Variants in CADPS2 observed in about 807,000 individuals in gnomAD.
The protein encoded by CADPS2 is calcium-dependent secretion activator 2.
CADPS2 carries 93 observed loss-of-function variants against 172.5 expected under a neutral mutation model. The ratio of observed to expected loss-of-function variants is 0.54; its 90% CI spans 0.46 to 0.64. CADPS2 has a LOEUF of 0.64. CADPS2 is among the 30% of genes least tolerant of loss of function. The pLI, the probability that CADPS2 is intolerant of heterozygous loss-of-function variation, is 0.00. For missense variants in CADPS2, 1,420 were observed against 1,565.9 expected, an observed-to-expected ratio of 0.91 and a Z score of 1.57; for synonymous variants, 546 against 555.2, an observed-to-expected ratio of 0.98 and a Z score of 0.23.
At chr7:122,819,932 A>G (rs1802651077) in intron 1 of CADPS2, among the ~76,000 whole-genome samples, 1 of 152,126 alleles carries the variant, frequency 6.6e-6, no homozygotes, top group Non-Finnish European at 1.5e-5. Context: ...AGCATGCTTT[A>G]AAAAGATTAA....
chr7:122,811,280 G>T (rs1032839151), intron 1 of CADPS2, among the ~76,000 whole-genome samples: 2 of 152,118 alleles, frequency 1.3e-5, no homozygotes, highest in African/African-American at 2.4e-5. Flanking sequence ...AGGTCCTTTA[G>T]ATAGTAAGTA....
At chr7:122,703,457 C>A (rs2086488576) in intron 2 of CADPS2, among the ~76,000 whole-genome samples, 1 of 152,144 alleles carries the variant, frequency 6.6e-6, no homozygotes, top group Non-Finnish European at 1.5e-5. Flanking sequence ...AAATGCCTAT[C>A]CCACACCTAA....
At chr7:122,695,209 G>A (rs891365013) in intron 2 of CADPS2, among the ~76,000 whole-genome samples, 2 of 152,176 alleles carry the variant, frequency 1.3e-5, no homozygotes, top group Admixed American at 6.5e-5. Context: ...CCCGATAAGA[G>A]TTGAAATGCG....
At chr7:122,405,001 C>A (rs1004228032) in intron 20 of CADPS2, among the ~76,000 whole-genome samples, 2 of 151,562 alleles carry the variant, frequency 1.3e-5, no homozygotes, top group Non-Finnish European at 2.9e-5. Context: ...TGGTGGCGGG[C>A]GCCTGTGGAG....
intron 28 of CADPS2, chr7:122,331,149 T>C (rs1021314318): frequency 2.0e-5 from 3 of 148,530 alleles, no homozygotes; most frequent in Non-Finnish European, 4.5e-5. Flanking sequence ...GAACTTTCTA[T>C]TGTCTGTTAT....
At chr7:122,407,095 T>C (rs1050086836) in intron 20 of CADPS2, among the ~76,000 whole-genome samples, 1 of 152,200 alleles carries the variant, frequency 6.6e-6, no homozygotes, top group African/African-American at 2.4e-5. Context: ...CTATCATCTG[T>C]ACAAATGAAC....
chr7:122,602,070 A>C (rs1360082111), intron 6 of CADPS2, among the ~76,000 whole-genome samples: 1 of 152,068 alleles, frequency 6.6e-6, no homozygotes, highest in Non-Finnish European at 1.5e-5. Context: ...TGTCTCAGTA[A>C]GGAAAAATAT....
intron 3 of CADPS2, among the ~76,000 whole-genome samples, chr7:122,630,540 C>T (rs1212956086): frequency 1.3e-5 from 2 of 152,072 alleles, no homozygotes; most frequent in Non-Finnish European, 2.9e-5. Context: ...TCATAAGTTA[C>T]TCTTCACAAG....
intron 6 of CADPS2, among the ~76,000 whole-genome samples, chr7:122,599,064 T>C (rs1321625418): frequency 6.6e-6 from 1 of 151,990 alleles, no homozygotes. Flanking sequence ...AGGTGCAGAA[T>C]GAAAGGAAGG....
intron 12 of CADPS2, chr7:122,480,157 C>T: frequency 2.1e-6 from 1 of 469,488 alleles, no homozygotes; most frequent in South Asian, 1.6e-5. Flanking sequence ...AGCTCACTCT[C>T]TTCCCTTAGA....
chr7:122,655,247 A>C (rs2079606150), intron 3 of CADPS2, among the ~76,000 whole-genome samples: 1 of 152,320 alleles, frequency 6.6e-6, no homozygotes, highest in African/African-American at 2.4e-5. Context: ...GTATGAGAGG[A>C]CTAATTCCAA....
chr7:122,364,072 C>T (rs1382073292), intron 25 of CADPS2, among the ~76,000 whole-genome samples: 2 of 152,258 alleles, frequency 1.3e-5, no homozygotes, highest in East Asian at 1.9e-4. Flanking sequence ...TGCTACAGAA[C>T]TGTAAGAATT....
intron 1 of CADPS2, among the ~76,000 whole-genome samples, chr7:122,741,490 T>C (rs774238509): frequency 1.6e-4 from 25 of 152,206 alleles, no homozygotes; most frequent in Non-Finnish European, 2.1e-4. Context: ...GTGAATACCT[T>C]AAATCCTATC....
At chr7:122,369,007 A>C (rs1299832657) in intron 25 of CADPS2, among the ~76,000 whole-genome samples, 1 of 152,106 alleles carries the variant, frequency 6.6e-6, no homozygotes, top group African/African-American at 2.4e-5. Context: ...TTTAATTTTA[A>C]TATAAAGTGG....
At chr7:122,384,459 A>C (rs1229100395) in intron 24 of CADPS2, among the ~76,000 whole-genome samples, 1 of 151,908 alleles carries the variant, frequency 6.6e-6, no homozygotes, top group African/African-American at 2.4e-5. Flanking sequence ...GCTTTTTATA[A>C]ATGAGGTCCG....
At chr7:122,675,778 A>G (rs1249503846) in intron 2 of CADPS2, among the ~76,000 whole-genome samples, 2 of 152,154 alleles carry the variant, frequency 1.3e-5, no homozygotes, top group Admixed American at 6.5e-5. Flanking sequence ...ATGAGAACAC[A>G]TGCACGCAGG....
At chr7:122,728,713 T>G (rs1363210623) in intron 2 of CADPS2, among the ~76,000 whole-genome samples, 3 of 151,778 alleles carry the variant, frequency 2.0e-5, no homozygotes, top group South Asian at 4.1e-4. Flanking sequence ...TGTTTTTATT[T>G]TTTTCAATTT....
At chr7:122,487,927 C>T (rs2057982692) in intron 11 of CADPS2, among the ~76,000 whole-genome samples, 1 of 152,060 alleles carries the variant, frequency 6.6e-6, no homozygotes, top group Non-Finnish European at 1.5e-5. Context: ...TAGAGATGAA[C>T]AAAAACAGTA....
intron 20 of CADPS2, among the ~76,000 whole-genome samples, chr7:122,399,963 C>G (rs1440040689): frequency 6.8e-6 from 1 of 146,568 alleles, no homozygotes; most frequent in Non-Finnish European, 1.5e-5. Flanking sequence ...CGTGAGCCAC[C>G]GCGCCCGGCC....
Sources: gnomAD v4.1 joint callset for allele counts (sites outside exome capture counted in the v4.1 genomes callset) on GRCh38, gnomAD v4.1.1 for gene constraint, MANE v1.5 for transcripts, NCBI Gene and HGNC (gene_info 2026-07-23, HGNC 2026-07-21) for gene names.